The following NXPE3 variants were observed in gnomAD, a reference collection of about 807,000 sequenced individuals.
The protein encoded by NXPE3 is neurexophilin and PC-esterase domain family member 3.
In NXPE3, 26 loss-of-function variants were observed where a neutral mutation model predicts 46.1. The observed-to-expected ratio is 0.56, with a 90% CI of 0.41 to 0.78. NXPE3 has a LOEUF of 0.78. NXPE3 is among the 30% of genes least tolerant of loss of function. The pLI is 0.00. For missense variants in NXPE3, 620 were observed against 686.0 expected (o/e 0.90, Z 1.07); for synonymous variants, 272 against 257.9 (o/e 1.05, Z -0.52).
rs1316639332 is a variant in NXPE3, at chr3:101,803,493, T to G, written c.848+1504T>G. On this transcript the variant is annotated intron_variant, in intron 5 of 7. Coordinates refer to ENST00000273347, the MANE Select transcript of NXPE3 (RefSeq NM_145037.4). ...CCTCAAAACAAAACCAAAACAAAAT[T>G]TTTCATTTTATTCGTGGGTTCAGGT... Among the ~76,000 whole-genome samples, 4 of 152,278 alleles carry G rather than the reference T, an allele frequency of 2.6e-5. No individual in the cohort carries two copies. The East Asian group carries it at 7.7e-4, about 29-fold the overall frequency.
At chr3:101,794,397 A>G (rs1940702108) in intron 4 of NXPE3, among the ~76,000 whole-genome samples, 1 of 152,152 alleles carries the variant, frequency 6.6e-6, no homozygotes, top group African/African-American at 2.4e-5. Context: ...GATGGTTGGC[A>G]ATGCAGATAC....
intron 4 of NXPE3, among the ~76,000 whole-genome samples, chr3:101,794,813 T>C (rs1009315298): frequency 1.5e-4 from 23 of 152,368 alleles, no homozygotes; most frequent in African/African-American, 5.3e-4. Flanking sequence ...ATTCTTTTGT[T>C]CTACTTTAGT....
chr3:101,817,063 C>T lies in NXPE3; in HGVS notation c.1129+62C>T, dbSNP rs1490343460. ...ACATCAGCTTTGAAATAAGCAGACT[C>T]ACTCAGGTGCCTGAAGAAAGGTTAT... On this transcript the variant is annotated intron_variant, in intron 7 of 7. Transcript: ENST00000273347. The T allele has an allele frequency of 8.6e-6, 12 of 1,403,330 alleles. No individual in the cohort carries two copies. The East Asian group carries it at 2.5e-4, about 29-fold the overall frequency. The allele number at this position is 1,403,330 out of a possible 1,614,324, so 86.9% of individuals were successfully genotyped here. A position where few individuals can be genotyped will look rare whatever the true frequency, so the allele number is the denominator to read the frequency against.
At chr3:101,812,491 C>T (rs1190326696) in intron 6 of NXPE3, among the ~76,000 whole-genome samples, 2 of 152,102 alleles carry the variant, frequency 1.3e-5, no homozygotes, top group Non-Finnish European at 1.5e-5. Context: ...TGCCAAGTCA[C>T]TCTGTGACTT....
chr3:101,812,571 T>C (rs1460218310), intron 6 of NXPE3, among the ~76,000 whole-genome samples: 2 of 151,986 alleles, frequency 1.3e-5, no homozygotes, highest in Non-Finnish European at 2.9e-5. Flanking sequence ...CCCAGGACTT[T>C]GGGAGGCCGA....
chr3:101,820,627 A>C (rs926632036), intron 7 of NXPE3, among the ~76,000 whole-genome samples: 1 of 152,248 alleles, frequency 6.6e-6, no homozygotes, highest in African/African-American at 2.4e-5. Context: ...GAATCAACCT[A>C]AATGCCCATC....
chr3:101,809,331 G>A (rs144938710), intron 6 of NXPE3, among the ~76,000 whole-genome samples: 10 of 152,284 alleles, frequency 6.6e-5, no homozygotes, highest in African/African-American at 2.2e-4. Context: ...ATGGACTATG[G>A]AAGGAACCCA....
chr3:101,821,363 G>T (rs375029998), intron 7 of NXPE3, 41 bp from the exon 8 acceptor site: 1 of 1,560,398 alleles, frequency 6.4e-7, no homozygotes, highest in Non-Finnish European at 8.8e-7. Flanking sequence ...ATATGTGCTT[G>T]GTTTGAAGGT....
chr3:101,801,745 G>C lies in NXPE3; in HGVS notation c.604G>C (p.Glu202Gln), dbSNP rs200918733. The C allele has an allele frequency of 6.8e-6, 11 of 1,614,202 alleles. No homozygotes were observed. The Admixed American group carries it at 1.5e-4, about 22-fold the overall frequency. Residue 202 changes from glutamate to glutamine, a missense_variant, in exon 5 of 8, where the codon GAA (glutamate) becomes CAA (glutamine). By Grantham distance (29) the Glu-to-Gln change is conservative (BLOSUM62 2). Around this residue, in one of 3 missense-constraint regions of NXPE3, gnomAD observed 511 missense variants for 528.6 expected, o/e 0.97. Coordinates refer to ENST00000273347, the MANE Select transcript of NXPE3 (RefSeq NM_145037.4). ...GATCAGAGTTCTTCAGCGCTTACAG[G>C]AAGATAAACCAGACAGGGTCTATTT... ...EGIRVLQRLQ[E>Q]DKPDRVYFKS...
chr3:101,801,479 C>T lies in NXPE3; in HGVS notation c.338C>T (p.Ser113Phe). The T allele has an allele frequency of 9.3e-6, 15 of 1,614,182 alleles. No homozygotes were observed. The highest frequency in any genetic ancestry group is 1.3e-5 in the Non-Finnish European group (15 of 1,180,046). ...TCCAGCTACTTTGTCATCTTGAACT[C>T]TGCTGCCTTCTTTAAGGTGGGAAGC... is the stretch of plus-strand genomic sequence containing the variant. ...PSSSYFVILN[S>F]AAFFKVGSQL... The change falls in exon 5 of 8, where the codon TCT (serine) becomes TTT (phenylalanine). Residue 113 changes from serine (S) to phenylalanine (F), a missense_variant. By Grantham distance (155) the Ser-to-Phe change is radical. Coordinates refer to ENST00000273347, the MANE Select transcript of NXPE3 (RefSeq NM_145037.4).
chr3:101,813,343 C>T (rs531620434), intron 6 of NXPE3, among the ~76,000 whole-genome samples: 2 of 152,298 alleles, frequency 1.3e-5, no homozygotes, highest in South Asian at 4.1e-4. Flanking sequence ...CATCTCACCC[C>T]GCAGCCCTCC....
At chr3:101,791,937 A>G (rs1447902847) in intron 4 of NXPE3, among the ~76,000 whole-genome samples, 1 of 152,162 alleles carries the variant, frequency 6.6e-6, no homozygotes, top group East Asian at 1.9e-4. Flanking sequence ...TTCCTCTTCA[A>G]CATTGCCAGC....
At chr3:101,784,183 C>T (rs1940006981) in intron 3 of NXPE3, among the ~76,000 whole-genome samples, 1 of 151,986 alleles carries the variant, frequency 6.6e-6, no homozygotes, top group Admixed American at 6.6e-5. Context: ...AAGTATAATG[C>T]AGTATCATTA....
At position 101,821,589 on chromosome 3, in the gene NXPE3, G is replaced by A; in HGVS notation, c.1315G>A (p.Val439Met). ...LNGIVGGKNTVVAIAVWSHFS... is the reference protein window; with the variant it reads ...LNGIVGGKNTMVAIAVWSHFS... The stretch of plus-strand genomic sequence containing the variant: ...TGGCATTGTGGGAGGGAAGAACACA[G>A]TGGTTGCCATAGCTGTATGGTCTCA... Residue 439 changes from valine to methionine, a missense_variant, in exon 8 of 8, where the codon GTG (valine) becomes ATG (methionine). Val to Met is a conservative substitution (Grantham distance 21). Coordinates refer to ENST00000273347, the MANE Select transcript of NXPE3 (RefSeq NM_145037.4). 2 of 1,614,220 alleles carry A rather than the reference G, an allele frequency of 1.2e-6. No individual in the cohort carries two copies. The highest frequency in any genetic ancestry group is 4.5e-5 in the East Asian group (2 of 44,880).
chr3:101,804,445 A>T (rs184328352), intron 5 of NXPE3, among the ~76,000 whole-genome samples: 3 of 152,362 alleles, frequency 2.0e-5, no homozygotes, highest in African/African-American at 7.2e-5. Flanking sequence ...GTTTGCTGAG[A>T]AAACAATGTC....
At position 101,805,453 on chromosome 3, in the gene NXPE3, G is replaced by A. The variant is rs909325176; in HGVS notation, c.849-1600G>A. Among the ~76,000 whole-genome samples the A allele has an allele frequency of 7.3e-5, 11 of 150,280 alleles. No homozygotes were observed. In the East Asian group the frequency reaches 7.7e-4, roughly 11 times the overall value. Reference sequence around the variant, plus strand: ...TGTCCTTTTTTTTTTTTTTGAGATAGGGTGTCGCTTTGTCATCCAGGCTGG... The same window carrying A: ...TGTCCTTTTTTTTTTTTTTGAGATAAGGTGTCGCTTTGTCATCCAGGCTGG... On this transcript the variant is annotated intron_variant, in intron 5 of 7. Coordinates refer to ENST00000273347, the MANE Select transcript of NXPE3 (RefSeq NM_145037.4).
intron 4 of NXPE3, among the ~76,000 whole-genome samples, chr3:101,793,359 A>G (rs911483108): frequency 6.6e-6 from 1 of 152,094 alleles, no homozygotes; most frequent in African/African-American, 2.4e-5. Context: ...GAATGCTTCC[A>G]GCTTTTGCTC....
intron 4 of NXPE3, among the ~76,000 whole-genome samples, chr3:101,798,449 G>T (rs1307192451): frequency 6.6e-6 from 1 of 151,484 alleles, no homozygotes. Context: ...CGGTGGCACA[G>T]TCATTGTTCA....
At chr3:101,790,846 T>A (rs1940474181) in intron 4 of NXPE3, among the ~76,000 whole-genome samples, 2 of 152,234 alleles carry the variant, frequency 1.3e-5, no homozygotes, top group Non-Finnish European at 2.9e-5. Context: ...TCCAGCTGCC[T>A]TGGCCTTCCA....
Sources: allele counts gnomAD v4.1 joint callset (sites outside exome capture counted in the v4.1 genomes callset), GRCh38; gene constraint gnomAD v4.1.1; regional missense constraint gnomAD v4.1.1; transcripts MANE v1.5; gene names NCBI Gene and HGNC (gene_info 2026-07-23, HGNC 2026-07-21).